The following ZNF695 variants were observed in gnomAD, a reference collection of about 807,000 sequenced individuals.
ZNF695 encodes the protein zinc finger protein 695, also known as zinc finger protein SBZF3.
A neutral mutation model predicts 11.2 loss-of-function variants in ZNF695; 11 were observed. That is an observed-to-expected ratio of 0.98 (90% CI 0.62 to 1.62). The LOEUF (loss-of-function observed/expected upper bound fraction) is 1.62, where lower values mean the gene tolerates loss of function less well. Ranked by LOEUF, ZNF695 falls within the 40% of genes most tolerant of loss-of-function variation. The pLI is 0.00. For synonymous variants in ZNF695, 190 were observed against 201.4 expected (o/e 0.94, Z 0.48); for missense variants, 559 against 590.5 (o/e 0.95, Z 0.55).
rs564643904 is a variant in ZNF695 at position 246,997,471 on chromosome 1, C to T, written c.259+1877G>A. ...TGAGCTGAGATCACGCCACTGCACTCCAGCCTGGGCGACAGAGCGAGACTC... is the reference window on the plus strand; with the variant it reads ...TGAGCTGAGATCACGCCACTGCACTTCAGCCTGGGCGACAGAGCGAGACTC... On this transcript the variant is annotated intron_variant, in intron 3 of 3. Coordinates refer to ENST00000339986, the MANE Select transcript of ZNF695 (RefSeq NM_020394.5). 3.3e-5 allele frequency among the ~76,000 whole-genome samples: 5 copies of T among 151,732 alleles called. No individual in the cohort carries two copies. In the South Asian group the frequency reaches 1.0e-3, roughly 32 times the overall value.
rs752399535 is a variant in ZNF695 at position 246,986,977 on chromosome 1, GT to G, written c.1537del (p.Thr513LeufsTer15). 2 of 1,575,196 alleles carry G rather than the reference GT, an allele frequency of 1.3e-6. No homozygotes were observed. Among genetic ancestry groups the G allele is most frequent in the South Asian group, 2.4e-5 (2 of 83,686 alleles). On this transcript the variant is annotated frameshift_variant, in exon 4 of 4. Transcript: ENST00000339986. LOFTEE classifies it high-confidence loss of function. ...ATTGTAGGGTTTTTCTCAGGTATGA[GT>G]TTTCTCATGTACAGCAAGTTGTGCA... is the stretch of plus-strand genomic sequence containing the variant. ...HSAQLAVHEK[T>X]HT is the part of the protein sequence containing the mutation.
chr1:246,987,873 A>G lies in ZNF695; in HGVS notation c.642T>C (p.Cys214=). Residue 214 remains cysteine (C), a synonymous_variant, in exon 4 of 4, where the codon TGT becomes TGC. Transcript: ENST00000339986. ...CATTAAAGGCTTTGCCACATTTTTT[A>G]CATTGGTACGGGTTCTCTCCAATAT... The part of the protein sequence containing the change: ...RIHIGENPYQ[C]KKCGKAFNEC... The G allele has an allele frequency of 6.2e-7, 1 of 1,608,494 alleles. No homozygotes were observed. Among genetic ancestry groups the G allele is most frequent in the Non-Finnish European group, 8.5e-7 (1 of 1,178,548 alleles).
At chr1:246,955,468 T>A (rs918171088) in intron 5 of ZNF695, among the ~76,000 whole-genome samples, 2 of 152,206 alleles carry the variant, frequency 1.3e-5, no homozygotes, top group East Asian at 3.8e-4. Context: ...AAAATGTGTA[T>A]AAGTAATTTT....
intron 1 of ZNF695, among the ~76,000 whole-genome samples, chr1:247,001,712 C>CAAAAAAAAAAAAA (rs56131097): frequency 1.3e-4 from 10 of 79,282 alleles, no homozygotes; most frequent in African/African-American, 1.5e-4. Flanking sequence ...GACTTCGTCT[C>CAAAAAAAAAAAAA]AAAAAAAAAA....
chr1:246,949,959 TA>T (rs1446340975), intron 5 of ZNF695, among the ~76,000 whole-genome samples: 1 of 152,218 alleles, frequency 6.6e-6, no homozygotes, highest in African/African-American at 2.4e-5. Context: ...GCTTAAGTAA[TA>T]TTTTTATTAT....
chr1:246,945,734 C>T (rs1018783138), exon 6 of ZNF695: 9 of 1,538,874 alleles, frequency 5.8e-6, no homozygotes, highest in African/African-American at 5.5e-5. Flanking sequence ...GGTGTAAATT[C>T]GCCTCACGGA....
chr1:246,948,075 TTTTTC>T (rs1338037270), intron 5 of ZNF695, among the ~76,000 whole-genome samples: 8 of 152,198 alleles, frequency 5.3e-5, no homozygotes, highest in Non-Finnish European at 5.9e-5. Flanking sequence ...TGACCTTTTC[TTTTTC>T]TTTTCTTTTT....
rs547570613 is a variant in ZNF695, at chr1:246,956,381, T to A, written c.489-10554A>T. 2.0e-5 allele frequency among the ~76,000 whole-genome samples: 3 copies of A among 150,602 alleles called. No individual in the cohort carries two copies. The South Asian group carries it at 6.5e-4, about 33-fold the overall frequency. ...CTGTAATCCCAGCACTCTGGGAGGC[T>A]GAGGCAGGCAGATCACTTGAGGTCA... On this transcript the variant is annotated intron_variant, in intron 5 of 5. Transcript: ENST00000487338.
chr1:246,972,838 C>T (rs575110410), intron 4 of ZNF695, among the ~76,000 whole-genome samples: 4 of 151,342 alleles, frequency 2.6e-5, no homozygotes, highest in South Asian at 2.1e-4. Flanking sequence ...TTTTTAGAAA[C>T]GCAAAAGAAC....
intron 5 of ZNF695, among the ~76,000 whole-genome samples, chr1:246,956,703 ATT>A (rs1411002614): frequency 3.3e-5 from 5 of 152,070 alleles, no homozygotes; most frequent in African/African-American, 1.2e-4. Flanking sequence ...TGAAACTATT[ATT>A]GTTATTATTT....
chr1:246,957,514 T>C (rs1245090432), intron 5 of ZNF695, among the ~76,000 whole-genome samples: 2 of 152,222 alleles, frequency 1.3e-5, no homozygotes, highest in African/African-American at 4.8e-5. Flanking sequence ...TATTGGACTA[T>C]TCTTTTCATC....
intron 5 of ZNF695, among the ~76,000 whole-genome samples, chr1:246,946,299 C>A (rs1667732962): frequency 1.3e-5 from 2 of 152,170 alleles, no homozygotes; most frequent in Admixed American, 6.5e-5. Context: ...TTTCTCCCTA[C>A]AACGTGACTG....
At position 246,987,984 on chromosome 1, in the gene ZNF695, G is replaced by A. The variant is rs369916430; in HGVS notation, c.531C>T (p.Ser177=). 3.9e-4 allele frequency: 621 copies of A among 1,602,928 alleles called. No individual in the cohort carries two copies. The highest frequency in any genetic ancestry group is 5.1e-4 in the Non-Finnish European group (603 of 1,176,476). ...ATTTGAATGGTTTTTCTCCAGTATG[G>A]CTTATCTTACATTTATTTAGATTTG... ...KFANLNKCKI[S]HTGEKPFKCK... Residue 177 remains serine (S), a synonymous_variant, in exon 4 of 4, where the codon AGC becomes AGT. Transcript: ENST00000339986.
rs558865713 is a variant in ZNF695 at position 246,999,986 on chromosome 1, T to G, written c.92A>C (p.Asp31Ala). The change falls in exon 2 of 4, where the codon GAT (aspartate) becomes GCT (alanine). Residue 31 changes from aspartate to alanine, a missense_variant. By Grantham distance (126) the Asp-to-Ala change is moderately radical. Coordinates refer to ENST00000339986, the MANE Select transcript of ZNF695 (RefSeq NM_020394.5). ...GTTTCTGTAGTTCTCTAACATCACA[T>G]CCCTATACAAACTCCGCTGAGCTGG... ...LDPAQRSLYRDVMLENYRNLI... is the reference protein window; with the variant it reads ...LDPAQRSLYRAVMLENYRNLI... The G allele has an allele frequency of 6.2e-7, 1 of 1,614,152 alleles. No individual in the cohort carries two copies. Among genetic ancestry groups the G allele is most frequent in the Admixed American group, 1.7e-5 (1 of 60,010 alleles).
In ZNF695 at chr1:246,964,569, C is replaced by T. The variant is rs188356525; in HGVS notation, c.488+3126G>A. Among the ~76,000 whole-genome samples, 67 of 152,340 alleles carry T rather than the reference C, an allele frequency of 4.4e-4. 1 individual carries two copies. The highest frequency in any genetic ancestry group is 1.5e-3 in the African/African-American group (63 of 41,566). On this transcript the variant is annotated intron_variant, in intron 5 of 5. Coordinates refer to the ZNF695 transcript ENST00000487338. ...TTGAATGTTTGTCTCTTCAGAAACT[C>T]ATGTTGAAACTTAATCCCTGGCTGG... is the stretch of plus-strand genomic sequence containing the variant.
chr1:247,000,298 A>T (rs1669326536), intron 1 of ZNF695, among the ~76,000 whole-genome samples: 2 of 152,172 alleles, frequency 1.3e-5, no homozygotes, highest in South Asian at 4.1e-4. Flanking sequence ...CCAGGTCAGG[A>T]GTTCAAGACC....
intron 3 of ZNF695, among the ~76,000 whole-genome samples, chr1:246,997,301 A>C (rs1343227923): frequency 6.6e-6 from 1 of 152,046 alleles, no homozygotes; most frequent in African/African-American, 2.4e-5. Flanking sequence ...TCAGGAGTTC[A>C]AGACCAGCCT....
chr1:246,982,388 G>A (rs4506496), downstream of ZNF695, among the ~76,000 whole-genome samples: 91,870 of 151,930 alleles, frequency 0.6, 29,768 homozygotes, highest in East Asian at 0.97. Flanking sequence ...AAGGTGTGCT[G>A]TAAGTGTTTC....
At chr1:247,004,422 A>T (rs956340069) in intron 1 of ZNF695, among the ~76,000 whole-genome samples, 25 of 152,160 alleles carry the variant, frequency 1.6e-4, no homozygotes, top group Non-Finnish European at 3.4e-4. Context: ...AAACCCTCGA[A>T]AAACTGAGTA....
Sources: gnomAD v4.1 joint callset for allele counts (sites outside exome capture counted in the v4.1 genomes callset) on GRCh38, gnomAD v4.1.1 for gene constraint, MANE v1.5 for transcripts, NCBI Gene and HGNC (gene_info 2026-07-23, HGNC 2026-07-21) for gene names.